Variants in ANK1 observed in about 807,000 individuals in gnomAD.
ANK1 encodes ankyrin 1.
A neutral mutation model predicts 210.4 loss-of-function variants in ANK1; 51 were observed. The ratio of observed to expected loss-of-function variants is 0.24; its 90% CI spans 0.19 to 0.31. The LOEUF (loss-of-function observed/expected upper bound fraction) is 0.31. Ranked by LOEUF, ANK1 falls within the 10% of genes least tolerant of loss-of-function variation. The probability of loss-of-function intolerance (pLI) is 1.00; values close to 1 mark genes in which losing one functional copy is unlikely to be tolerated. For missense variants in ANK1, 2,051 were observed against 2,504.4 expected (o/e 0.82, Z 3.86); for synonymous variants, 967 against 1,025.9 (o/e 0.94, Z 1.10).
chr8:41,871,680 G>A (rs10087219), intron 1 of ANK1, among the ~76,000 whole-genome samples: 30,483 of 152,064 alleles, frequency 0.2, 4,527 homozygotes, highest in East Asian at 0.41. Flanking sequence ...TTGTTCTTGG[G>A]CTTCCAGCCT....
chr8:41,655,826 G>C (rs1440815033), intron 42 of ANK1, 73 bp from the exon 43 acceptor site: 18 of 1,535,226 alleles, frequency 1.2e-5, no homozygotes, highest in South Asian at 1.1e-4. Context: ...CCCACACACA[G>C]AGTTTTGTGC....
intron 1 of ANK1, among the ~76,000 whole-genome samples, chr8:41,821,539 C>G (rs1281924405): frequency 6.6e-6 from 1 of 152,134 alleles, no homozygotes; most frequent in South Asian, 2.1e-4. Flanking sequence ...CACATGCATG[C>G]GTCAAAGGCC....
At chr8:41,668,238 G>A (rs1292871839) in intron 39 of ANK1, 29 bp downstream of exon 39, 2 of 1,613,822 alleles carry the variant, frequency 1.2e-6, no homozygotes, top group African/African-American at 1.3e-5. Flanking sequence ...GGAAGGAACA[G>A]CAGCACGCAG....
upstream of ANK1, among the ~76,000 whole-genome samples, chr8:41,798,414 G>A (rs549506936): frequency 1.3e-5 from 2 of 152,172 alleles, no homozygotes; most frequent in Admixed American, 1.3e-4. Context: ...GGAGGGCGTG[G>A]GATGGCGCGG....
At chr8:41,842,235 A>G (rs890053864) in intron 1 of ANK1, among the ~76,000 whole-genome samples, 10 of 152,164 alleles carry the variant, frequency 6.6e-5, no homozygotes, top group Non-Finnish European at 1.3e-4. Flanking sequence ...GCTCACGCCT[A>G]TAATCCCAGC....
Position 41,665,508 on chromosome 8 carries a change from G to T in ANK1, c.5395-1766C>A, listed in dbSNP as rs1585858934. On this transcript the variant is annotated intron_variant, in intron 39 of 42. Transcript: ENST00000289734. Reference sequence around the variant, plus strand: ...CCCATCCCCATGGGAACTAGAAAGAGTTCTGCCCAGGGAAAGTTTCTTACT... The same window carrying T: ...CCCATCCCCATGGGAACTAGAAAGATTTCTGCCCAGGGAAAGTTTCTTACT... The T allele has an allele frequency of 8.8e-6, 3 of 339,208 alleles. No individual in the cohort carries two copies. In the East Asian group the frequency reaches 2.4e-4, roughly 27 times the overall value. The allele number at this position is 339,208 out of a possible 1,614,324, so 21.0% of individuals were successfully genotyped here.
chr8:41,708,634 A>C, intron 17 of ANK1, 144 bp downstream of exon 17: 1 of 936,730 alleles, frequency 1.1e-6, no homozygotes, highest in Non-Finnish European at 1.7e-6. Flanking sequence ...TTATAAAATG[A>C]AGGTGAAATG....
intron 1 of ANK1, chr8:41,828,597 G>T (rs1805952502): frequency 6.5e-6 from 1 of 154,176 alleles, no homozygotes; most frequent in Admixed American, 6.5e-5. Flanking sequence ...CCATACCGAG[G>T]CCTCTTCAGT....
Position 41,694,525 on chromosome 8 carries a change from G to A in ANK1, c.3327+67C>T, listed in dbSNP as rs1028660655. On this transcript the variant is annotated intron_variant, in intron 28 of 42. Coordinates refer to ENST00000289734, the MANE Select transcript of ANK1 (RefSeq NM_000037.4). The surrounding 1 kb of genome is among the most constrained non-coding windows in gnomAD (Gnocchi z 5.7). ...AAGTGTGGGGATGTCCTGGGGAAGA[G>A]GGTGGCCTTCCCGGAGGCCTGGAGT... The A allele has an allele frequency of 1.7e-5, 24 of 1,448,872 alleles. No individual in the cohort carries two copies. Among genetic ancestry groups the A allele is most frequent in the Non-Finnish European group, 2.1e-5 (22 of 1,047,478 alleles). 89.8% of individuals were successfully genotyped at this position (1,448,872 alleles called of 1,614,324 possible).
chr8:41,871,896 A>T (rs1373917318), intron 1 of ANK1, among the ~76,000 whole-genome samples: 1 of 152,218 alleles, frequency 6.6e-6, no homozygotes, highest in Non-Finnish European at 1.5e-5. Context: ...CAGCACAAGC[A>T]GACCTGAAAG....
At chr8:41,783,685 C>T (rs900192113) in intron 1 of ANK1, among the ~76,000 whole-genome samples, 1 of 152,148 alleles carries the variant, frequency 6.6e-6, no homozygotes, top group Admixed American at 6.5e-5. Context: ...TCACCCACAC[C>T]AATCCAAAGG....
intron 40 of ANK1, 37 bp from the exon 41 acceptor site, chr8:41,661,978 G>A (rs778833748): frequency 1.9e-6 from 3 of 1,609,854 alleles, no homozygotes; most frequent in Non-Finnish European, 2.5e-6. Context: ...GGCTGGTCAG[G>A]CCGGGCTCGG....
chr8:41,776,348 G>A (rs576450395), intron 1 of ANK1, among the ~76,000 whole-genome samples: 1 of 152,256 alleles, frequency 6.6e-6, no homozygotes, highest in East Asian at 1.9e-4. Flanking sequence ...GGCCCTCCAG[G>A]GTTTAATGAG....
At chr8:41,784,057 CAAAAA>C (rs34846355) in intron 1 of ANK1, among the ~76,000 whole-genome samples, 1 of 140,430 alleles carries the variant, frequency 7.1e-6, no homozygotes, top group African/African-American at 2.7e-5. Flanking sequence ...GACCCTATCT[CAAAAA>C]AAAAAAAAAA....
intron 2 of ANK1, among the ~76,000 whole-genome samples, chr8:41,746,180 C>A (rs1216937622): frequency 1.3e-5 from 2 of 152,226 alleles, no homozygotes; most frequent in East Asian, 3.9e-4. Flanking sequence ...GGCCATACCA[C>A]CTGCAGCCTC....
intron 1 of ANK1, among the ~76,000 whole-genome samples, chr8:41,841,692 C>G (rs151055380): frequency 8.5e-5 from 13 of 152,202 alleles, no homozygotes; most frequent in African/African-American, 2.6e-4. Flanking sequence ...CCAATACACA[C>G]AGGGGTTTTT....
chr8:41,795,431 T>C (rs1848570754), intron 1 of ANK1, among the ~76,000 whole-genome samples: 1 of 151,930 alleles, frequency 6.6e-6, no homozygotes. Context: ...ATTGCTTGAA[T>C]ACAGGAGGCA....
At chr8:41,703,307 T>C (rs1370227351) in intron 20 of ANK1, among the ~76,000 whole-genome samples, 1 of 151,468 alleles carries the variant, frequency 6.6e-6, no homozygotes, top group Non-Finnish European at 1.5e-5. Context: ...AGTTGTACCA[T>C]ACTGAAAACA....
chr8:41,723,166 T>C lies in ANK1; in HGVS notation c.868A>G (p.Ile290Val). 6.2e-7 allele frequency: 1 copy of C among 1,614,114 alleles called. No individual in the cohort carries two copies. The highest frequency in any genetic ancestry group is 1.1e-5 in the South Asian group (1 of 91,082). The change falls in exon 9 of 43, where the codon ATC becomes GTC. Residue 290 changes from isoleucine to valine, a missense_variant. By Grantham distance (29) the Ile-to-Val change is conservative (BLOSUM62 3). This residue lies in a region of ANK1 where 1,413 missense variants were observed against 1,707.4 expected (regional missense o/e 0.83). Transcript: ENST00000289734. The stretch of plus-strand genomic sequence containing the variant: ...ATTGGTGCCCCGTGGTCCAGCAGGA[T>C]CTCTGAGATTCGCACGTGCCCATTT... ...ARNGHVRISEILLDHGAPIQA... is the reference protein window; with the variant it reads ...ARNGHVRISEVLLDHGAPIQA...
Sources: allele counts gnomAD v4.1 joint callset (sites outside exome capture counted in the v4.1 genomes callset), GRCh38; gene constraint gnomAD v4.1.1; regional missense constraint gnomAD v4.1.1; non-coding constraint Gnocchi (gnomAD v3.1); transcripts MANE v1.5; gene names NCBI Gene and HGNC (gene_info 2026-07-23, HGNC 2026-07-21).